Variants in PDE10A observed in about 807,000 individuals in gnomAD.
The protein encoded by PDE10A is phosphodiesterase 10A, also known as cAMP and cAMP-inhibited cGMP 3',5'-cyclic phosphodiesterase 10A.
In PDE10A, 39 loss-of-function variants were observed where a neutral mutation model predicts 97.7. The observed-to-expected ratio is 0.40, with a 90% CI of 0.31 to 0.52. The LOEUF is 0.52. PDE10A is among the 20% of genes least tolerant of loss of function. The probability of loss-of-function intolerance (pLI) is 0.56; values close to 1 mark genes in which losing one functional copy is unlikely to be tolerated. For missense variants in PDE10A, 731 were observed against 1,047.8 expected (o/e 0.70, Z 4.17); for synonymous variants, 371 against 376.8 (o/e 0.98, Z 0.18).
intron 1 of PDE10A, among the ~76,000 whole-genome samples, chr6:165,698,217 G>A (rs1021248449): frequency 7.9e-5 from 12 of 152,146 alleles, no homozygotes; most frequent in Non-Finnish European, 1.3e-4. Flanking sequence ...ACTGCTCAAG[G>A]CTGCTTGAGT....
chr6:165,603,868 C>T (rs1787084193), intron 1 of PDE10A, among the ~76,000 whole-genome samples: 1 of 152,190 alleles, frequency 6.6e-6, no homozygotes, highest in Non-Finnish European at 1.5e-5. Flanking sequence ...GTGGTATATG[C>T]AACAACTGAA....
chr6:165,679,490 A>G (rs1311037032), intron 1 of PDE10A, among the ~76,000 whole-genome samples: 2 of 152,270 alleles, frequency 1.3e-5, no homozygotes, highest in Admixed American at 1.3e-4. Context: ...CCAGCCCTTG[A>G]GGAGGTGTGG....
At chr6:165,356,939 C>T (rs912007865) in intron 18 of PDE10A, among the ~76,000 whole-genome samples, 1 of 152,044 alleles carries the variant, frequency 6.6e-6, no homozygotes, top group Non-Finnish European at 1.5e-5. Context: ...CTGGCTAGGA[C>T]CTCCAATTCA....
intron 1 of PDE10A, among the ~76,000 whole-genome samples, chr6:165,884,769 C>A (rs1348653934): frequency 6.6e-6 from 1 of 152,114 alleles, no homozygotes; most frequent in Non-Finnish European, 1.5e-5. Context: ...TTGATAACAA[C>A]CACAATAATG....
At chr6:165,589,024 T>C (rs1786090817) in intron 1 of PDE10A, among the ~76,000 whole-genome samples, 1 of 152,216 alleles carries the variant, frequency 6.6e-6, no homozygotes, top group Non-Finnish European at 1.5e-5. Flanking sequence ...TCTTTTCAAA[T>C]CAGCCATGGC....
chr6:165,855,732 A>G (rs186028937), intron 1 of PDE10A, among the ~76,000 whole-genome samples: 2 of 152,082 alleles, frequency 1.3e-5, no homozygotes, highest in East Asian at 1.9e-4. Context: ...TTTCAAACGG[A>G]CACCGAGGAG....
chr6:165,584,276 T>C (rs1417269691), intron 1 of PDE10A, among the ~76,000 whole-genome samples: 1 of 152,156 alleles, frequency 6.6e-6, no homozygotes, highest in East Asian at 1.9e-4. Context: ...CCCTGACCCC[T>C]GGGCCAGTCA....
chr6:165,658,670 T>C (rs925601473), intron 1 of PDE10A, among the ~76,000 whole-genome samples: 1 of 152,234 alleles, frequency 6.6e-6, no homozygotes, highest in African/African-American at 2.4e-5. Context: ...CACTGGTCTG[T>C]CCCACGTGAC....
At chr6:165,847,544 G>C (rs1017371625) in intron 1 of PDE10A, among the ~76,000 whole-genome samples, 4 of 152,266 alleles carry the variant, frequency 2.6e-5, no homozygotes, top group African/African-American at 9.6e-5. Flanking sequence ...ATGCAGGGAG[G>C]TAACCTGGTG....
chr6:165,637,075 C>T (rs1035138943), intron 1 of PDE10A, among the ~76,000 whole-genome samples: 3 of 152,138 alleles, frequency 2.0e-5, no homozygotes, highest in Non-Finnish European at 4.4e-5. Flanking sequence ...CTTTGGACTG[C>T]TTGATGAACA....
chr6:165,604,246 C>T lies in PDE10A; in HGVS notation c.865+57701G>A, dbSNP rs148621525. On this transcript the variant is annotated intron_variant, in intron 1 of 21. Transcript: ENST00000539869. ...TCTGTAGTAAAGCGCTGGGAGGTTACGGACCATTGTATCCCCAAGGATAAT... is the reference window on the plus strand; with the variant it reads ...TCTGTAGTAAAGCGCTGGGAGGTTATGGACCATTGTATCCCCAAGGATAAT... Among the ~76,000 whole-genome samples the T allele has an allele frequency of 3.2e-3, 491 of 152,278 alleles. 1 individual carries two copies. The highest frequency in any genetic ancestry group is 0.011 in the African/African-American group (455 of 41,574).
At chr6:165,428,834 A>AT (rs1789348791) in intron 9 of PDE10A, 125 bp from the exon 10 acceptor site, 1 of 507,494 alleles carries the variant, frequency 2.0e-6, no homozygotes, top group Non-Finnish European at 3.5e-6. Context: ...ATGTCATTTG[A>AT]TTTTTCTGCT....
intron 21 of PDE10A, among the ~76,000 whole-genome samples, chr6:165,333,708 C>T (rs1781476085): frequency 6.6e-6 from 1 of 152,224 alleles, no homozygotes; most frequent in African/African-American, 2.4e-5. Context: ...TCACCCGAGG[C>T]AGTCTCATTT....
chr6:165,689,007 C>T (rs1215185100), intron 1 of PDE10A, among the ~76,000 whole-genome samples: 1 of 152,132 alleles, frequency 6.6e-6, no homozygotes, highest in African/African-American at 2.4e-5. Context: ...CAGTGAAAAA[C>T]AGAAGCAAAA....
Position 165,332,114 on chromosome 6 carries a change from A to C in PDE10A, c.*911T>G, listed in dbSNP as rs577661485. 6.6e-6 allele frequency: 1 copy of C among 152,242 alleles called. No homozygotes were observed. Among genetic ancestry groups the C allele is most frequent in the Non-Finnish European group, 1.5e-5 (1 of 68,048 alleles). 9.4% of individuals were successfully genotyped at this position (152,242 alleles called of 1,614,324 possible). ...AGAGTCTAAAATTCTGCAATGACAC[A>C]AAGTGAAAATATAAAGGAATCATTA... On this transcript the variant is annotated 3_prime_UTR_variant, in exon 22 of 22. Coordinates refer to ENST00000539869, the MANE Select transcript of PDE10A (RefSeq NM_001385079.1).
intron 1 of PDE10A, among the ~76,000 whole-genome samples, chr6:165,672,458 T>G (rs1790673997): frequency 6.6e-6 from 1 of 152,248 alleles, no homozygotes; most frequent in African/African-American, 2.4e-5. Flanking sequence ...ACTTATTGAA[T>G]ACTGTCCTGA....
In PDE10A at chr6:165,942,166, T is replaced by C. The variant is rs1219683613; in HGVS notation, c.-615+45363A>G. Among the ~76,000 whole-genome samples the C allele has an allele frequency of 2.0e-5, 3 of 152,178 alleles. No homozygotes were observed. The East Asian group carries it at 5.8e-4, about 29-fold the overall frequency. ...GTCCGTTACTGCCTCATTTATTAAA[T>C]ATTCCAGTTAGGGCTGCCAACAGCC... On this transcript the variant is annotated intron_variant, in intron 1 of 19. Transcript: ENST00000366882.
intron 10 of PDE10A, among the ~76,000 whole-genome samples, chr6:165,423,638 T>C (rs1051384884): frequency 6.6e-5 from 10 of 151,986 alleles, no homozygotes; most frequent in Admixed American, 6.6e-4. Flanking sequence ...GAGGCTGAGG[T>C]GGGTGGATCA....
intron 1 of PDE10A, among the ~76,000 whole-genome samples, chr6:165,779,910 CTCT>C (rs1778299960): frequency 6.6e-6 from 1 of 152,214 alleles, no homozygotes; most frequent in Non-Finnish European, 1.5e-5. Flanking sequence ...TGCCAACCCA[CTCT>C]TCAATTCACT....
Sources: allele counts gnomAD v4.1 joint callset (sites outside exome capture counted in the v4.1 genomes callset), GRCh38; gene constraint gnomAD v4.1.1; transcripts MANE v1.5; gene names NCBI Gene and HGNC (gene_info 2026-07-23, HGNC 2026-07-21).